The following CNTN4 variants were observed in gnomAD, a reference collection of about 807,000 sequenced individuals.
The protein encoded by CNTN4 is contactin 4, also known as contactin-4.
In CNTN4, 77 loss-of-function variants were observed where a neutral mutation model predicts 122.5. That is an observed-to-expected ratio of 0.63 (90% CI 0.52 to 0.76). The LOEUF (loss-of-function observed/expected upper bound fraction) is 0.76, where lower values mean the gene tolerates loss of function less well. Ranked by LOEUF, CNTN4 falls within the 30% of genes least tolerant of loss-of-function variation. The pLI is 0.00. For missense variants in CNTN4, 1,256 were observed against 1,259.1 expected (o/e 1.00, Z 0.04); for synonymous variants, 512 against 447.0 (o/e 1.15, Z -1.83).
chr3:2,903,825 T>C (rs1319785322), intron 12 of CNTN4, among the ~76,000 whole-genome samples: 1 of 152,218 alleles, frequency 6.6e-6, no homozygotes, highest in Non-Finnish European at 1.5e-5. Flanking sequence ...ATTGGTTCAA[T>C]TCATCATTTT....
intron 7 of CNTN4, among the ~76,000 whole-genome samples, chr3:2,828,495 C>G (rs1257658644): frequency 3.3e-5 from 5 of 152,268 alleles, no homozygotes; most frequent in Non-Finnish European, 4.4e-5. Flanking sequence ...CATTGAAATA[C>G]TGCTACTATG....
intron 2 of CNTN4, among the ~76,000 whole-genome samples, chr3:2,121,251 G>C (rs1205445200): frequency 1.3e-5 from 2 of 152,126 alleles, no homozygotes; most frequent in Non-Finnish European, 2.9e-5. Context: ...TGTAATCCCA[G>C]CACTCTGGGA....
intron 13 of CNTN4, among the ~76,000 whole-genome samples, chr3:2,952,078 G>A (rs1432391872): frequency 2.0e-5 from 3 of 152,200 alleles, no homozygotes; most frequent in Admixed American, 6.5e-5. Context: ...CCAAATTCTG[G>A]TGAAAAGTTC....
chr3:2,183,971 A>T (rs1359959041), intron 2 of CNTN4, among the ~76,000 whole-genome samples: 5 of 150,224 alleles, frequency 3.3e-5, no homozygotes, highest in African/African-American at 7.3e-5. Context: ...CATAAACTGA[A>T]TTTTTTTTTT....
intron 14 of CNTN4, chr3:2,989,046 G>A (rs1694832699): frequency 1.3e-5 from 2 of 153,920 alleles, no homozygotes; most frequent in South Asian, 4.0e-4. Flanking sequence ...TATAATTTTT[G>A]TAGCAGAAAG....
intron 4 of CNTN4, among the ~76,000 whole-genome samples, chr3:2,672,262 C>G (rs538819656): frequency 6.6e-6 from 1 of 152,162 alleles, no homozygotes; most frequent in African/African-American, 2.4e-5. Flanking sequence ...TGGGCTCCAC[C>G]CAGTTCGAGC....
In CNTN4 at chr3:2,182,719, T is replaced by C. The variant is rs902008563; in HGVS notation, c.-145+82080T>C. ...AATATGTCTTCCTATAATCCAGTTA[T>C]TGGTATTAAATAATATTGAAGCTAT... On this transcript the variant is annotated intron_variant, in intron 2 of 24. Coordinates refer to ENST00000418658, the MANE Select transcript of CNTN4 (RefSeq NM_175607.3). 2.6e-5 allele frequency among the ~76,000 whole-genome samples: 4 copies of C among 152,250 alleles called. No homozygotes were observed. The South Asian group carries it at 8.3e-4, about 32-fold the overall frequency.
At chr3:2,764,927 T>C (rs1476620279) in intron 6 of CNTN4, among the ~76,000 whole-genome samples, 1 of 152,192 alleles carries the variant, frequency 6.6e-6, no homozygotes, top group Non-Finnish European at 1.5e-5. Flanking sequence ...AGCTGGGAAG[T>C]TGAAGGGCTA....
In CNTN4 at chr3:2,213,404, T is replaced by C. The variant is rs978314578; in HGVS notation, c.-145+112765T>C. On this transcript the variant is annotated intron_variant, in intron 2 of 24. Transcript: ENST00000418658. ...ATGTCCTAAAAATTCCACCATTTGT[T>C]ATTTTAATCCCAATGCTAAATTCTA... is the stretch of plus-strand genomic sequence containing the variant. Among the ~76,000 whole-genome samples, 5 of 152,304 alleles carry C rather than the reference T, an allele frequency of 3.3e-5. No individual in the cohort carries two copies. The South Asian group carries it at 1.0e-3, about 32-fold the overall frequency.
chr3:2,351,428 T>C (rs748057164), intron 3 of CNTN4, among the ~76,000 whole-genome samples: 26 of 152,104 alleles, frequency 1.7e-4, no homozygotes, highest in Non-Finnish European at 3.2e-4. Context: ...TTTTTCTTCC[T>C]CAAAGATGGG....
At chr3:2,490,080 GAA>G (rs754660502) in intron 3 of CNTN4, among the ~76,000 whole-genome samples, 3 of 130,032 alleles carry the variant, frequency 2.3e-5, no homozygotes, top group African/African-American at 2.8e-5. Flanking sequence ...ACCAGGAAAG[GAA>G]AAAAAAAAAA....
chr3:2,344,551 T>G (rs1404467722), intron 3 of CNTN4, among the ~76,000 whole-genome samples: 1 of 152,154 alleles, frequency 6.6e-6, no homozygotes, highest in Non-Finnish European at 1.5e-5. Context: ...GTGCTGGGAT[T>G]ACAAGCGTGA....
chr3:2,155,708 T>A (rs1386993816), intron 2 of CNTN4, among the ~76,000 whole-genome samples: 1 of 152,186 alleles, frequency 6.6e-6, no homozygotes, highest in Non-Finnish European at 1.5e-5. Context: ...ACTCTCCCCG[T>A]GCTCTCTACT....
At chr3:2,761,438 CTGTGTGTGTG>C (rs113454553) in intron 6 of CNTN4, among the ~76,000 whole-genome samples, 23 of 92,768 alleles carry the variant, frequency 2.5e-4, no homozygotes, top group Non-Finnish European at 5.6e-4. Flanking sequence ...TAAGTGTAAC[CTGTGTGTGTG>C]TGTGTGTGTG....
At chr3:2,485,217 C>T (rs1385273969) in intron 3 of CNTN4, among the ~76,000 whole-genome samples, 3 of 152,216 alleles carry the variant, frequency 2.0e-5, no homozygotes, top group East Asian at 1.9e-4. Context: ...CCAGCGCGGC[C>T]GGAGCCTCCG....
At chr3:2,222,663 C>G (rs2039107114) in intron 2 of CNTN4, among the ~76,000 whole-genome samples, 1 of 151,696 alleles carries the variant, frequency 6.6e-6, no homozygotes, top group Admixed American at 6.6e-5. Context: ...ACCCCCCACA[C>G]CCCCAACACA....
intron 2 of CNTN4, among the ~76,000 whole-genome samples, chr3:2,203,433 C>A (rs565559087): frequency 6.6e-6 from 1 of 152,136 alleles, no homozygotes; most frequent in Non-Finnish European, 1.5e-5. Context: ...CTGCTTGGCC[C>A]AGATACCTCT....
At chr3:2,476,830 A>G (rs186489793) in intron 3 of CNTN4, among the ~76,000 whole-genome samples, 3 of 152,376 alleles carry the variant, frequency 2.0e-5, no homozygotes, top group South Asian at 2.1e-4. Flanking sequence ...CTTAGCAAAC[A>G]TAAAAAAAGT....
intron 3 of CNTN4, among the ~76,000 whole-genome samples, chr3:2,471,232 A>G (rs2075673100): frequency 6.6e-6 from 1 of 152,246 alleles, no homozygotes; most frequent in South Asian, 2.1e-4. Flanking sequence ...TCAAAGAGCT[A>G]CAAGCTTTTA....
Sources: gnomAD v4.1 joint callset for allele counts (sites outside exome capture counted in the v4.1 genomes callset) on GRCh38, gnomAD v4.1.1 for gene constraint, MANE v1.5 for transcripts, NCBI Gene and HGNC (gene_info 2026-07-23, HGNC 2026-07-21) for gene names.